The following MTRR variants were observed in gnomAD, a reference collection of about 807,000 sequenced individuals.
MTRR encodes the protein 5-methyltetrahydrofolate-homocysteine methyltransferase reductase, also known as methionine synthase reductase.
A neutral mutation model predicts 79.2 loss-of-function variants in MTRR; 63 were observed. The observed-to-expected ratio is 0.80, with a 90% confidence interval of 0.65 to 0.98. MTRR has a LOEUF of 0.98. Ranked by LOEUF, MTRR falls within the 50% of genes least tolerant of loss-of-function variation. The probability of loss-of-function intolerance (pLI) is 0.00; values close to 1 mark genes in which losing one functional copy is unlikely to be tolerated. For synonymous variants in MTRR, 355 were observed against 313.3 expected, an observed-to-expected ratio of 1.13 and a Z score of -1.41; for missense variants, 895 against 839.6, an observed-to-expected ratio of 1.07 and a Z score of -0.82.
At chr5:7,893,955 AG>A (rs1472341681) in intron 11 of MTRR, among the ~76,000 whole-genome samples, 1 of 152,172 alleles carries the variant, frequency 6.6e-6, no homozygotes, top group African/African-American at 2.4e-5. Flanking sequence ...TTTTTTGAGA[AG>A]AAATATTATA....
At chr5:7,867,719 A>T, upstream of MTRR, 1 of 1,614,202 alleles carries the variant, frequency 6.2e-7, no homozygotes, top group Non-Finnish European at 8.5e-7. Flanking sequence ...CAGGGTTTCC[A>T]TCGTGCTTAT....
chr5:7,875,720 T>C (rs1336861959), intron 4 of MTRR, among the ~76,000 whole-genome samples: 1 of 152,210 alleles, frequency 6.6e-6, no homozygotes, highest in Non-Finnish European at 1.5e-5. Flanking sequence ...GCCATGCACG[T>C]GGAGCCTTTG....
At chr5:7,851,184 G>A (rs1746070372), upstream of MTRR, 2 of 800,996 alleles carry the variant, frequency 2.5e-6, no homozygotes, top group African/African-American at 1.8e-5. Context: ...GAGCTGCCCT[G>A]CAGCATTCCC....
chr5:7,878,422 A>G, intron 5 of MTRR, 100 bp downstream of exon 5: 1 of 1,483,864 alleles, frequency 6.7e-7, no homozygotes, highest in South Asian at 1.2e-5. Flanking sequence ...TCAACAAACT[A>G]TGGCTTACTG....
chr5:7,868,080 C>G (rs757877129), upstream of MTRR: 10 of 1,576,732 alleles, frequency 6.3e-6, no homozygotes, highest in Non-Finnish European at 3.4e-6. Context: ...GTGATTAATG[C>G]CATACCATCA....
upstream of MTRR, chr5:7,869,010 C>T (rs762855940): frequency 1.7e-6 from 2 of 1,176,426 alleles, no homozygotes; most frequent in African/African-American, 1.5e-5. Flanking sequence ...TCCGGGTGGT[C>T]GCGGAAGCGC....
intron 1 of MTRR, chr5:7,861,774 C>T (rs546714029): frequency 1.7e-5 from 24 of 1,449,662 alleles, no homozygotes; most frequent in Non-Finnish European, 2.1e-5. Flanking sequence ...GGACTGAAGG[C>T]TGCAAAGTAA....
Position 7,878,307 on chromosome 5 carries a change from G to T in MTRR, c.765G>T (p.Gln255His). Reference sequence around the variant, plus strand: ...CAGAATATTTACAGGTACATCTGCAGGAGTCTCTTGGCCAGGTAAGGAAGT... The same window carrying T: ...CAGAATATTTACAGGTACATCTGCATGAGTCTCTTGGCCAGGTAAGGAAGT... ...LPPEYLQVHL[Q>H]ESLGQEESQV... The change falls in exon 5 of 15, where the codon CAG (glutamine) becomes CAT (histidine). Residue 255 changes from glutamine to histidine, a missense_variant. Transcript: ENST00000440940. The T allele has an allele frequency of 6.2e-7, 1 of 1,614,208 alleles. No individual in the cohort carries two copies.
chr5:7,875,189 A>G, intron 3 of MTRR, 69 bp from the exon 4 acceptor site: 1 of 1,004,314 alleles, frequency 1.0e-6, no homozygotes, highest in Non-Finnish European at 1.6e-6. Context: ...TAGATATTTT[A>G]TTTACCTAGT....
At chr5:7,898,614 G>T (rs1738936478) in intron 14 of MTRR, among the ~76,000 whole-genome samples, 2 of 152,198 alleles carry the variant, frequency 1.3e-5, no homozygotes, top group African/African-American at 2.4e-5. Context: ...CTGTTTCAGA[G>T]AGGGAGCCTG....
chr5:7,871,504 A>G (rs888563865), intron 2 of MTRR, among the ~76,000 whole-genome samples: 2 of 152,212 alleles, frequency 1.3e-5, no homozygotes, highest in African/African-American at 2.4e-5. Context: ...TGCTGCCTCC[A>G]GATTATACTA....
intron 1 of MTRR, among the ~76,000 whole-genome samples, chr5:7,854,102 A>G (rs1409480996): frequency 6.6e-6 from 1 of 152,144 alleles, no homozygotes; most frequent in Non-Finnish European, 1.5e-5. Context: ...ATCTTATTAT[A>G]TATTCCCAGG....
At chr5:7,897,431 T>C (rs796909941) in intron 14 of MTRR, among the ~76,000 whole-genome samples, 184 bp downstream of exon 14, 35 of 152,340 alleles carry the variant, frequency 2.3e-4, no homozygotes, top group African/African-American at 7.9e-4. Flanking sequence ...GAGGTTGTTA[T>C]TATCAGGGAA....
At chr5:7,861,771 A>G in intron 1 of MTRR, 1 of 1,460,012 alleles carries the variant, frequency 6.8e-7, no homozygotes, top group Non-Finnish European at 9.1e-7. Flanking sequence ...ATTGGACTGA[A>G]GGCTGCAAAG....
rs185235284 is a variant in MTRR at position 7,875,357 on chromosome 5, A to T, written c.383A>T (p.His128Leu). The change falls in exon 4 of 15, where the codon CAT becomes CTT. Residue 128 changes from histidine (H) to leucine (L), a missense_variant. By Grantham distance (99) the His-to-Leu change is moderately conservative. Transcript: ENST00000440940. ...LGARHFYDTGHADDCVGLELV... is the reference protein window; with the variant it reads ...LGARHFYDTGLADDCVGLELV... ...GCCCGGCATTTCTATGACACTGGAC[A>T]TGCAGATGACTGTGTAGGGTAAGGG... The T allele has an allele frequency of 4.3e-6, 7 of 1,611,804 alleles. No individual in the cohort carries two copies. Among genetic ancestry groups the T allele is most frequent in the Non-Finnish European group, 5.9e-6 (7 of 1,177,986 alleles).
Position 7,885,791 on chromosome 5 carries a change from C to T in MTRR, c.994C>T (p.Gln332Ter). 6.2e-7 allele frequency: 1 copy of T among 1,614,002 alleles called. No individual in the cohort carries two copies. Among genetic ancestry groups the T allele is most frequent in the Non-Finnish European group, 8.5e-7 (1 of 1,180,018 alleles). Residue 332 changes from glutamine (Q) to a stop codon, truncating the protein, a stop_gained, in exon 7 of 15, where the codon CAG becomes TAG. Transcript: ENST00000440940. LOFTEE classifies it high-confidence loss of function. ...SEVQSLLQRL[Q>*]LEDKREHCVL... is the part of the protein sequence containing the mutation. The stretch of plus-strand genomic sequence containing the variant: ...GGTACAAAGCCTACTCCAAAGACTG[C>T]AGCTTGAAGATAAAAGAGAGCACTG...
chr5:7,852,142 G>C (rs1409551642), intron 1 of MTRR, among the ~76,000 whole-genome samples: 1 of 152,214 alleles, frequency 6.6e-6, no homozygotes, highest in East Asian at 1.9e-4. Flanking sequence ...GAACAGATAG[G>C]TGGGGGCCTG....
upstream of MTRR, among the ~76,000 whole-genome samples, chr5:7,866,461 C>CCT (rs1326280479): frequency 6.6e-6 from 1 of 152,160 alleles, no homozygotes; most frequent in Non-Finnish European, 1.5e-5. Flanking sequence ...AGCTTTCTTC[C>CCT]CTCTACATGA....
At chr5:7,853,940 G>A (rs186339194) in intron 1 of MTRR, among the ~76,000 whole-genome samples, 2 of 152,242 alleles carry the variant, frequency 1.3e-5, no homozygotes, top group African/African-American at 2.4e-5. Flanking sequence ...CAGAGATGAG[G>A]GTGGAATGAG....
Sources: allele counts gnomAD v4.1 joint callset (sites outside exome capture counted in the v4.1 genomes callset), GRCh38; gene constraint gnomAD v4.1.1; transcripts MANE v1.5; gene names NCBI Gene and HGNC (gene_info 2026-07-23, HGNC 2026-07-21).